The following STK39 variants were observed in gnomAD, a reference collection of about 807,000 sequenced individuals.
STK39 encodes the protein STE20/SPS1-related proline-alanine-rich protein kinase.
Under a neutral mutation model 77.8 loss-of-function variants are expected in STK39, and 20 were observed. That is an observed-to-expected ratio of 0.26 (90% CI 0.18 to 0.37). The LOEUF (loss-of-function observed/expected upper bound fraction) is 0.37, where lower values mean the gene tolerates loss of function less well. Ranked by LOEUF, STK39 falls within the 10% of genes least tolerant of loss-of-function variation. STK39 has a pLI of 1.00. For synonymous variants in STK39, 246 were observed against 234.1 expected (o/e 1.05, Z -0.47); for missense variants, 479 against 656.5 (o/e 0.73, Z 2.95).
chr2:168,051,547 A>G (rs1685395191), intron 14 of STK39, among the ~76,000 whole-genome samples: 1 of 152,234 alleles, frequency 6.6e-6, no homozygotes, highest in Non-Finnish European at 1.5e-5. Flanking sequence ...TTGGTCTACC[A>G]TGCAAGACTG....
intron 10 of STK39, among the ~76,000 whole-genome samples, chr2:168,079,788 G>A (rs1686178505): frequency 6.6e-6 from 1 of 152,208 alleles, no homozygotes; most frequent in African/African-American, 2.4e-5. Flanking sequence ...GCCCCTAGCT[G>A]GTATTCATAC....
intron 14 of STK39, among the ~76,000 whole-genome samples, chr2:168,030,738 C>G (rs538546893): frequency 6.6e-6 from 1 of 152,218 alleles, no homozygotes; most frequent in Non-Finnish European, 1.5e-5. Flanking sequence ...CTGTAAGTAA[C>G]TGCATTTACA....
chr2:168,179,254 C>T (rs1460766135), intron 2 of STK39, among the ~76,000 whole-genome samples: 5 of 152,086 alleles, frequency 3.3e-5, no homozygotes, highest in Non-Finnish European at 7.4e-5. Context: ...AAAATGTGAG[C>T]CCTCTGAAAT....
Position 168,180,569 on chromosome 2 carries a change from A to T in STK39, c.321+1409T>A, listed in dbSNP as rs948811914. ...CAGAGCTGTTGTGTAACTCTACTAA[A>T]GTGAAAACAAGTTTAGTGGCAGAAG... On this transcript the variant is annotated intron_variant, in intron 2 of 17. Transcript: ENST00000355999. 2.0e-5 allele frequency among the ~76,000 whole-genome samples: 3 copies of T among 152,272 alleles called. No homozygotes were observed. In the East Asian group the frequency reaches 5.8e-4, roughly 29 times the overall value.
chr2:168,023,926 C>G (rs1169013408), intron 14 of STK39, among the ~76,000 whole-genome samples: 3 of 152,154 alleles, frequency 2.0e-5, no homozygotes, highest in African/African-American at 7.2e-5. Flanking sequence ...ATCAACAGCC[C>G]TCTTCTTCCT....
Position 168,247,562 on chromosome 2 carries a change from G to GCCGCCGCCGCCGCCGCCA in STK39, c.-128_-127insTGGCGGCGGCGGCGGCGG. ...CTCCCCGCCCGCCGCCGCCGCCGCC[G>GCCGCCGCCGCCGCCGCCA]TCCCCGCCGAAGCCAGCTAGGAGGG... On this transcript the variant is annotated 5_prime_UTR_variant, in exon 1 of 18. It adds an upstream start codon to the 5' untranslated region. Coordinates refer to ENST00000355999, the MANE Select transcript of STK39 (RefSeq NM_013233.3). 1.3e-6 allele frequency: 1 copy of GCCGCCGCCGCCGCCGCCA among 752,680 alleles called. No homozygotes were observed. The highest frequency in any genetic ancestry group is 1.7e-6 in the Non-Finnish European group (1 of 590,084). The allele number at this position is 752,680 out of a possible 1,614,324, so 46.6% of individuals were successfully genotyped here. A position where few individuals can be genotyped will look rare whatever the true frequency, so the allele number is the denominator to read the frequency against.
At chr2:168,011,114 A>G (rs1290025053) in intron 16 of STK39, among the ~76,000 whole-genome samples, 1 of 152,230 alleles carries the variant, frequency 6.6e-6, no homozygotes, top group Non-Finnish European at 1.5e-5. Flanking sequence ...CCTGGCCAAC[A>G]TGGCAAAACC....
At chr2:168,053,766 G>GGCAACA (rs1685455802) in intron 14 of STK39, among the ~76,000 whole-genome samples, 1 of 152,100 alleles carries the variant, frequency 6.6e-6, no homozygotes, top group Non-Finnish European at 1.5e-5. Flanking sequence ...ATATGCCAAA[G>GGCAACA]GCAACACCTT....
chr2:168,029,303 C>T (rs1684775847), intron 14 of STK39, among the ~76,000 whole-genome samples: 1 of 152,172 alleles, frequency 6.6e-6, no homozygotes, highest in Admixed American at 6.6e-5. Flanking sequence ...GTTCTAACTT[C>T]ATCAAAAGAG....
chr2:167,956,631 G>A (rs77836288), intron 17 of STK39, among the ~76,000 whole-genome samples: 17,194 of 137,042 alleles, frequency 0.13, 2,616 homozygotes, highest in African/African-American at 0.36. Context: ...AAGTTATTTC[G>A]TTTTTCTTGT....
chr2:168,052,323 T>A (rs1368682352), intron 14 of STK39, among the ~76,000 whole-genome samples: 1 of 152,242 alleles, frequency 6.6e-6, no homozygotes, highest in African/African-American at 2.4e-5. Flanking sequence ...TTCTCATGAA[T>A]CTTTTCATGT....
rs146271361 is a variant in STK39, at chr2:167,959,603, C to T, written c.1564-4033G>A. Reference sequence around the variant, plus strand: ...CTCAAACCAAACAATCTCACAAGTGCTCTTCCTGAAGACTGTCAATGTACA... The same window carrying T: ...CTCAAACCAAACAATCTCACAAGTGTTCTTCCTGAAGACTGTCAATGTACA... On this transcript the variant is annotated intron_variant, in intron 17 of 17. Coordinates refer to ENST00000355999, the MANE Select transcript of STK39 (RefSeq NM_013233.3). Among the ~76,000 whole-genome samples, 1,286 of 152,284 alleles carry T rather than the reference C, an allele frequency of 8.4e-3. 13 individuals are homozygous for T. Among genetic ancestry groups the T allele is most frequent in the African/African-American group, 0.028 (1,162 of 41,560 alleles).
chr2:168,137,731 CAGTTCAA>C (rs1687875965), intron 8 of STK39, among the ~76,000 whole-genome samples: 1 of 152,234 alleles, frequency 6.6e-6, no homozygotes, highest in South Asian at 2.1e-4. Context: ...CCTGAGAGGT[CAGTTCAA>C]CCTACACAGT....
chr2:168,083,446 T>A (rs982406985), intron 10 of STK39, among the ~76,000 whole-genome samples: 1 of 152,194 alleles, frequency 6.6e-6, no homozygotes, highest in African/African-American at 2.4e-5. Flanking sequence ...TACCAAGTTC[T>A]AGACCAAAGA....
chr2:168,037,947 C>T (rs1015940379), intron 14 of STK39, among the ~76,000 whole-genome samples: 3 of 152,006 alleles, frequency 2.0e-5, no homozygotes, highest in Admixed American at 2.0e-4. Context: ...AATGACTCAC[C>T]ATCATTTGAG....
chr2:168,059,625 C>T (rs188414530), intron 14 of STK39, among the ~76,000 whole-genome samples: 14 of 152,226 alleles, frequency 9.2e-5, no homozygotes, highest in African/African-American at 3.1e-4. Context: ...ATGAGCATGC[C>T]GCAATTTCAG....
At chr2:168,082,419 T>C (rs1221425727) in intron 10 of STK39, among the ~76,000 whole-genome samples, 1 of 152,232 alleles carries the variant, frequency 6.6e-6, no homozygotes, top group East Asian at 1.9e-4. Flanking sequence ...CTGTCCCTAC[T>C]AGGCCACCAA....
At chr2:168,065,840 T>G (rs1685778480) in intron 12 of STK39, among the ~76,000 whole-genome samples, 1 of 152,190 alleles carries the variant, frequency 6.6e-6, no homozygotes, top group Admixed American at 6.5e-5. Flanking sequence ...GAGCAATTAT[T>G]CACTGTATTT....
At chr2:168,146,120 T>C (rs1688133100) in intron 5 of STK39, among the ~76,000 whole-genome samples, 2 of 152,208 alleles carry the variant, frequency 1.3e-5, no homozygotes, top group African/African-American at 4.8e-5. Context: ...AAGCAAAAAC[T>C]GCATCTGGAA....
Sources: gnomAD v4.1 joint callset for allele counts (sites outside exome capture counted in the v4.1 genomes callset) on GRCh38, gnomAD v4.1.1 for gene constraint, MANE v1.5 for transcripts, NCBI Gene and HGNC (gene_info 2026-07-23, HGNC 2026-07-21) for gene names.